Variants in MTF1 observed in about 807,000 individuals in gnomAD.
MTF1 encodes the protein metal regulatory transcription factor 1.
Under a neutral mutation model 70.4 loss-of-function variants are expected in MTF1, and 22 were observed. The ratio of observed to expected loss-of-function variants is 0.31; its 90% CI spans 0.22 to 0.45. The LOEUF is 0.45. MTF1 is among the 20% of genes least tolerant of loss of function. MTF1 has a pLI of 1.00. For synonymous variants in MTF1, 333 were observed against 352.8 expected, an observed-to-expected ratio of 0.94 and a Z score of 0.63; for missense variants, 649 against 922.0, an observed-to-expected ratio of 0.70 and a Z score of 3.83.
chr1:37,847,738 G>T (rs1288443012), intron 2 of MTF1, among the ~76,000 whole-genome samples: 4 of 152,190 alleles, frequency 2.6e-5, no homozygotes, highest in Admixed American at 6.5e-5. Flanking sequence ...GCCTGTAAGT[G>T]CTCACCTAGC....
Position 37,822,569 on chromosome 1 carries a change from G to C in MTF1, c.1319C>G (p.Pro440Arg). 1 of 1,614,050 alleles carries C rather than the reference G, an allele frequency of 6.2e-7. No individual in the cohort carries two copies. Among genetic ancestry groups the C allele is most frequent in the Non-Finnish European group, 8.5e-7 (1 of 1,180,016 alleles). ...PPQPLLPASA[P>R]SAPPPAPSLG... is the part of the protein sequence containing the mutation. The stretch of plus-strand genomic sequence containing the variant: ...GGAGGGAGCAGGCGGAGGAGCAGAC[G>C]GAGCTGAGGCAGGTAGTAGAGGCTG... Residue 440 changes from proline to arginine, a missense_variant, in exon 9 of 11, where the codon CCG becomes CGG. By Grantham distance (103) the Pro-to-Arg change is moderately radical. Transcript: ENST00000373036.
At chr1:37,825,536 C>A (rs1246292272) in intron 7 of MTF1, among the ~76,000 whole-genome samples, 3 of 152,118 alleles carry the variant, frequency 2.0e-5, no homozygotes, top group African/African-American at 7.2e-5. Flanking sequence ...CACATCAGAC[C>A]CAGAAATTTT....
chr1:37,821,012 C>CTACAAAAAA (rs1448798702), intron 9 of MTF1, among the ~76,000 whole-genome samples: 5 of 152,064 alleles, frequency 3.3e-5, no homozygotes, highest in African/African-American at 1.2e-4. Context: ...AACCCCGTCT[C>CTACAAAAAA]TACAAAAAAT....
intron 4 of MTF1, among the ~76,000 whole-genome samples, chr1:37,836,467 A>G (rs1029024308): frequency 6.6e-6 from 1 of 152,194 alleles, no homozygotes; most frequent in African/African-American, 2.4e-5. Flanking sequence ...GATAGGCTCA[A>G]GTAACTTATC....
intron 7 of MTF1, among the ~76,000 whole-genome samples, chr1:37,831,477 ATATT>A (rs537995066): frequency 6.4e-4 from 98 of 152,358 alleles, no homozygotes; most frequent in African/African-American, 2.2e-3. Flanking sequence ...AGCCTATGCT[ATATT>A]TATTTACCAG....
At chr1:37,828,185 AAC>A in intron 7 of MTF1, 1 of 420,018 alleles carries the variant, frequency 2.4e-6, no homozygotes. Flanking sequence ...AAAAAAAAAA[AAC>A]AGGAAAAACT....
chr1:37,818,804 C>T (rs1311503262), intron 9 of MTF1, among the ~76,000 whole-genome samples: 1 of 151,412 alleles, frequency 6.6e-6, no homozygotes, highest in Non-Finnish European at 1.5e-5. Context: ...ACCATCCTGG[C>T]TAATACGGTG....
intron 2 of MTF1, among the ~76,000 whole-genome samples, chr1:37,855,495 C>T (rs779128522): frequency 2.0e-5 from 3 of 152,076 alleles, no homozygotes; most frequent in Non-Finnish European, 2.9e-5. Flanking sequence ...CTAAGGCTAG[C>T]AAAGGAAAAG....
chr1:37,841,687 T>A (rs1307032875), intron 2 of MTF1: 1 of 155,856 alleles, frequency 6.4e-6, no homozygotes, highest in Non-Finnish European at 1.4e-5. Flanking sequence ...AACACAGGAA[T>A]TTTACACAAG....
chr1:37,847,688 A>G (rs1166447275), intron 2 of MTF1, among the ~76,000 whole-genome samples: 1 of 152,168 alleles, frequency 6.6e-6, no homozygotes, highest in Non-Finnish European at 1.5e-5. Flanking sequence ...ACAGGTTCTC[A>G]TTTTAAAACA....
Position 37,832,332 on chromosome 1 carries a change from A to G in MTF1, c.991-10T>C, listed in dbSNP as rs918972387. 1 of 1,595,438 alleles carries G rather than the reference A, an allele frequency of 6.3e-7. No individual in the cohort carries two copies. The highest frequency in any genetic ancestry group is 8.6e-7 in the Non-Finnish European group (1 of 1,165,542). On this transcript the variant is annotated splice_polypyrimidine_tract_variant and intron_variant, in intron 6 of 10. Coordinates refer to ENST00000373036, the MANE Select transcript of MTF1 (RefSeq NM_005955.3). ...GTGAGTGATTTGTATCCTGTGAAAG[A>G]GAAAAAATTCTAATTGAGTAACAAA...
intron 2 of MTF1, among the ~76,000 whole-genome samples, chr1:37,844,367 G>A (rs912789537): frequency 1.3e-5 from 2 of 152,016 alleles, no homozygotes; most frequent in African/African-American, 4.8e-5. Flanking sequence ...CCTTTAACGC[G>A]AGCCTCAGGA....
At position 37,830,632 on chromosome 1, in the gene MTF1, G is replaced by A. The variant is rs1207268786; in HGVS notation, c.1068+1613C>T. On this transcript the variant is annotated intron_variant, in intron 7 of 10. Transcript: ENST00000373036. ...GGATCATGTTTTCCTGTTTCTTCAC[G>A]TGTTTACTAATTTGGGATTGCTCTG... is the stretch of plus-strand genomic sequence containing the variant. 2.6e-5 allele frequency among the ~76,000 whole-genome samples: 4 copies of A among 152,288 alleles called. No homozygotes were observed. In the East Asian group the frequency reaches 5.8e-4, roughly 22 times the overall value.
intron 2 of MTF1, among the ~76,000 whole-genome samples, chr1:37,850,038 TTTG>T (rs928870889): frequency 6.6e-6 from 1 of 151,930 alleles, no homozygotes; most frequent in African/African-American, 2.4e-5. Flanking sequence ...AGCCCAGGAT[TTTG>T]GAACCAGCCC....
At position 37,815,110 on chromosome 1, in the gene MTF1, C is replaced by T. The variant is rs942039317; in HGVS notation, c.*26G>A. Reference sequence around the variant, plus strand: ...TCATGCCTCCTGCTCACCCGCTTTTCCCAGAGGTGAGCACACATGGGCCCT... The same window carrying T: ...TCATGCCTCCTGCTCACCCGCTTTTTCCAGAGGTGAGCACACATGGGCCCT... On this transcript the variant is annotated 3_prime_UTR_variant, in exon 11 of 11. Transcript: ENST00000373036. This position sits in a 1 kb window ranked among gnomAD's most constrained non-coding sequence, Gnocchi z 4.5. 1 of 1,605,012 alleles carries T rather than the reference C, an allele frequency of 6.2e-7. No individual in the cohort carries two copies. The highest frequency in any genetic ancestry group is 8.5e-7 in the Non-Finnish European group (1 of 1,173,246).
chr1:37,857,144 G>A, intron 2 of MTF1, 107 bp downstream of exon 2: 1 of 1,121,280 alleles, frequency 8.9e-7, no homozygotes, highest in Non-Finnish European at 1.3e-6. Context: ...AACTACTTAA[G>A]TCCTAACCCC....
intron 2 of MTF1, chr1:37,841,592 C>G (rs1442491096): frequency 5.5e-6 from 1 of 181,460 alleles, no homozygotes; most frequent in Non-Finnish European, 1.2e-5. Flanking sequence ...TTCACCAAGT[C>G]TCCCCGTCAG....
At chr1:37,823,605 T>C (rs1346893644) in intron 8 of MTF1, 105 bp downstream of exon 8, 2 of 814,840 alleles carry the variant, frequency 2.5e-6, no homozygotes, top group African/African-American at 1.7e-5. Context: ...TGACCCTTTA[T>C]AGAAAGCTCA....
chr1:37,857,187 ACC>A, intron 2 of MTF1, 62 bp downstream of exon 2: 1 of 1,529,574 alleles, frequency 6.5e-7, no homozygotes, highest in Admixed American at 1.8e-5. Flanking sequence ...TAAAATTTGC[ACC>A]AAGAATTTTG....
Sources: allele counts gnomAD v4.1 joint callset (sites outside exome capture counted in the v4.1 genomes callset), GRCh38; gene constraint gnomAD v4.1.1; non-coding constraint Gnocchi (gnomAD v3.1); transcripts MANE v1.5; gene names NCBI Gene and HGNC (gene_info 2026-07-23, HGNC 2026-07-21).